Variants in NRXN1 observed in about 807,000 individuals in gnomAD.
NRXN1 encodes the protein neurexin-1.
A neutral mutation model predicts 150.9 loss-of-function variants in NRXN1; 39 were observed. The ratio of observed to expected loss-of-function variants is 0.26; its 90% CI spans 0.20 to 0.34. The LOEUF (loss-of-function observed/expected upper bound fraction) is 0.34, where lower values mean the gene tolerates loss of function less well. Among genes scored for constraint, NRXN1 ranks in the 10% least tolerant of loss-of-function variants. The pLI, the probability that NRXN1 is intolerant of heterozygous loss-of-function variation, is 1.00. For missense variants in NRXN1, 1,815 were observed against 1,949.9 expected (o/e 0.93, Z 1.30); for synonymous variants, 924 against 757.0 (o/e 1.22, Z -3.62).
chr2:50,060,967 T>C (rs1350145125), intron 19 of NRXN1, among the ~76,000 whole-genome samples: 1 of 152,202 alleles, frequency 6.6e-6, no homozygotes, highest in African/African-American at 2.4e-5. Context: ...ACAATGTCTT[T>C]TTAATAGATG....
chr2:50,505,581 A>C (rs980884815), intron 13 of NRXN1, among the ~76,000 whole-genome samples: 1 of 152,192 alleles, frequency 6.6e-6, no homozygotes, highest in African/African-American at 2.4e-5. Flanking sequence ...GTCCTAGACC[A>C]AAACTAATTG....
chr2:50,683,650 T>A (rs867194214), intron 5 of NRXN1, among the ~76,000 whole-genome samples: 962 of 22,210 alleles, frequency 0.043, 29 homozygotes, highest in African/African-American at 0.13. Flanking sequence ...AAAAAAAATA[T>A]ATATATATAT....
chr2:50,523,929 G>T (rs1451282686), intron 12 of NRXN1, among the ~76,000 whole-genome samples: 2 of 152,150 alleles, frequency 1.3e-5, no homozygotes, highest in Non-Finnish European at 2.9e-5. Flanking sequence ...GAAGCCAAAA[G>T]TACTTGGAAG....
intron 5 of NRXN1, chr2:50,912,252 A>C (rs1048700691): frequency 6.6e-5 from 10 of 151,822 alleles, no homozygotes; most frequent in African/African-American, 2.4e-5. Context: ...ATCTGCCATA[A>C]CCTAGTGAAT....
intron 5 of NRXN1, among the ~76,000 whole-genome samples, chr2:50,904,993 T>C (rs943261037): frequency 6.6e-6 from 1 of 152,138 alleles, no homozygotes; most frequent in Non-Finnish European, 1.5e-5. Flanking sequence ...TCATTCATTT[T>C]TTTTATTATC....
At chr2:50,032,907 T>A (rs1689394056) in intron 21 of NRXN1, among the ~76,000 whole-genome samples, 2 of 151,616 alleles carry the variant, frequency 1.3e-5, no homozygotes, top group Admixed American at 6.6e-5. Context: ...AGCTACTCAG[T>A]CTGCAGTGTT....
chr2:50,002,723 T>C (rs1248201046), intron 21 of NRXN1, among the ~76,000 whole-genome samples: 4 of 152,040 alleles, frequency 2.6e-5, no homozygotes, highest in African/African-American at 4.8e-5. Flanking sequence ...TCCCGAGAAA[T>C]AGACTAGGAG....
At chr2:50,509,534 T>C (rs1241805496) in intron 12 of NRXN1, among the ~76,000 whole-genome samples, 3 of 152,196 alleles carry the variant, frequency 2.0e-5, no homozygotes. Flanking sequence ...AGCATTCCCA[T>C]CCATAAAGTG....
intron 17 of NRXN1, among the ~76,000 whole-genome samples, chr2:50,283,989 A>G (rs2152935813): frequency 6.6e-6 from 1 of 152,248 alleles, no homozygotes; most frequent in South Asian, 2.1e-4. Context: ...ACCAGAGTAA[A>G]GTTCCTTGGG....
chr2:50,915,922 G>C, intron 5 of NRXN1, among the ~76,000 whole-genome samples: 1 of 149,370 alleles, frequency 6.7e-6, no homozygotes, highest in East Asian at 2.0e-4. Context: ...ATTTACTCAA[G>C]GTCAGTAAGG....
At chr2:50,132,332 G>GTTTTTTTTTTTTTTTTT in intron 18 of NRXN1, among the ~76,000 whole-genome samples, 1 of 144,626 alleles carries the variant, frequency 6.9e-6, no homozygotes. Flanking sequence ...TTAAGATGGA[G>GTTTTTTTTTTTTTTTTT]TCTTGCTCTG....
chr2:50,162,086 T>A (rs1026592772), intron 18 of NRXN1, among the ~76,000 whole-genome samples: 3 of 152,094 alleles, frequency 2.0e-5, no homozygotes, highest in African/African-American at 4.8e-5. Flanking sequence ...GAGATCAACT[T>A]TTTTACACAA....
At chr2:50,732,791 T>C (rs569055070) in intron 5 of NRXN1, among the ~76,000 whole-genome samples, 6 of 152,284 alleles carry the variant, frequency 3.9e-5, no homozygotes, top group African/African-American at 1.4e-4. Flanking sequence ...TCTGCTTTTA[T>C]ATCTATAGCA....
chr2:50,903,870 A>G (rs985923286), intron 5 of NRXN1, among the ~76,000 whole-genome samples: 3 of 152,214 alleles, frequency 2.0e-5, no homozygotes, highest in Non-Finnish European at 4.4e-5. Flanking sequence ...CCACAAATAC[A>G]AGACAGTAAG....
At position 50,443,976 on chromosome 2, in the gene NRXN1, A is replaced by G. The variant is rs565706112; in HGVS notation, c.3364+21466T>C. ...CATAAAAGGAAGAATTAAACATAAA[A>G]TTTGATTTGAATTCTTGGTATTATA... is the stretch of plus-strand genomic sequence containing the variant. On this transcript the variant is annotated intron_variant, in intron 17 of 22. Coordinates refer to ENST00000401669, the MANE Select transcript of NRXN1 (RefSeq NM_001330078.2). Among the ~76,000 whole-genome samples the G allele has an allele frequency of 3.3e-5, 5 of 152,324 alleles. No individual in the cohort carries two copies. In the South Asian group the frequency reaches 1.0e-3, roughly 32 times the overall value.
chr2:50,136,810 T>A (rs904320647), intron 18 of NRXN1, among the ~76,000 whole-genome samples: 5 of 152,184 alleles, frequency 3.3e-5, no homozygotes, highest in Non-Finnish European at 5.9e-5. Context: ...TGGTCCCAAT[T>A]AATAAGATGA....
chr2:49,928,604 C>A (rs1028018771), intron 22 of NRXN1, among the ~76,000 whole-genome samples: 1 of 151,932 alleles, frequency 6.6e-6, no homozygotes. Flanking sequence ...GAGATTAGCA[C>A]ACTTTTTTCC....
At chr2:50,236,671 C>G (rs2065466014) in intron 18 of NRXN1, 118 bp downstream of exon 18, 1 of 857,290 alleles carries the variant, frequency 1.2e-6, no homozygotes. Context: ...ATTCATATTT[C>G]CTATAACAAA....
At position 50,610,642 on chromosome 2, in the gene NRXN1, C is replaced by CATATATATATATATATATATATATATAT. The variant is rs71404969; in HGVS notation, c.1320+9352_1320+9379dup. Among the ~76,000 whole-genome samples, 19 of 42,874 alleles carry CATATATATATATATATATATATATATAT rather than the reference C, an allele frequency of 4.4e-4. 2 individuals carry two copies. The highest frequency in any genetic ancestry group is 7.0e-4 in the Non-Finnish European group (15 of 21,420). 28.1% of individuals were successfully genotyped at this position (42,874 alleles called of 152,430 possible). On this transcript the variant is annotated intron_variant, in intron 8 of 22. Coordinates refer to ENST00000401669, the MANE Select transcript of NRXN1 (RefSeq NM_001330078.2). ...GCCTGGCACATACTATAAATAGATA[C>CATATATATATATATATATATATATATAT]ATATATATATATATATATATATATA...
Sources: allele counts gnomAD v4.1 joint callset (sites outside exome capture counted in the v4.1 genomes callset), GRCh38; gene constraint gnomAD v4.1.1; transcripts MANE v1.5; gene names NCBI Gene and HGNC (gene_info 2026-07-23, HGNC 2026-07-21).